FLYWCH1: variants seen among roughly 807,000 people sequenced by gnomAD.
FLYWCH1 encodes FLYWCH-type zinc finger-containing protein 1.
In FLYWCH1, 75 loss-of-function variants were observed where a neutral mutation model predicts 66.4. That is an observed-to-expected ratio of 1.13 (90% confidence interval 0.94 to 1.37). The LOEUF (loss-of-function observed/expected upper bound fraction) is 1.37. Among genes scored for constraint, FLYWCH1 ranks in the 40% most tolerant of loss-of-function variants. The pLI, the probability that FLYWCH1 is intolerant of heterozygous loss-of-function variation, is 0.00. For missense variants in FLYWCH1, 1,334 were observed against 1,001.8 expected (o/e 1.33, Z -4.48); for synonymous variants, 595 against 429.9 (o/e 1.38, Z -4.75).
At chr16:2,939,767 T>G (rs1240220840) in intron 8 of FLYWCH1, 8 of 390,624 alleles carry the variant, frequency 2.0e-5, no homozygotes, top group Non-Finnish European at 2.8e-5. Context: ...GAGAAAGTTG[T>G]GCTGGAGGCC....
intron 1 of FLYWCH1, among the ~76,000 whole-genome samples, chr16:2,913,591 C>A (rs905603616): frequency 2.6e-5 from 4 of 152,140 alleles, no homozygotes; most frequent in Admixed American, 1.3e-4. Context: ...GAACACCCCA[C>A]GCTGAACAGG....
Position 2,948,726 on chromosome 16 carries a change from G to A in FLYWCH1, c.2150G>A (p.Ter717=). ...KDVRLDGESQ[*] Reference sequence around the variant, plus strand: ...GTCAGACTGGATGGCGAGTCCCAGTGAGGCGATGTGGGCAGAGGAGCTCCG... The same window carrying A: ...GTCAGACTGGATGGCGAGTCCCAGTAAGGCGATGTGGGCAGAGGAGCTCCG... Residue 717 remains the stop codon, a stop_retained_variant, in exon 10 of 10, where the codon TGA becomes TAA. Transcript: ENST00000253928. 1 of 1,613,904 alleles carries A rather than the reference G, an allele frequency of 6.2e-7. No individual in the cohort carries two copies. Among genetic ancestry groups the A allele is most frequent in the Middle Eastern group, 1.7e-4 (1 of 6,058 alleles).
rs1281064873 is a variant in FLYWCH1 at position 2,951,107 on chromosome 16, A to G, written c.*2380A>G. 2 of 152,300 alleles carry G rather than the reference A, an allele frequency of 1.3e-5. No individual in the cohort carries two copies. Among genetic ancestry groups the G allele is most frequent in the Non-Finnish European group, 2.9e-5 (2 of 68,062 alleles). The allele number at this position is 152,300 out of a possible 1,614,324, so 9.4% of individuals were successfully genotyped here. On this transcript the variant is annotated 3_prime_UTR_variant, in exon 10 of 10. Coordinates refer to ENST00000253928, the MANE Select transcript of FLYWCH1 (RefSeq NM_001308068.2). ...GTGCTTCGCCCACAAACCCTGCTGT[A>G]TGACATTTGCACCACATGGTGTGTG... is the stretch of plus-strand genomic sequence containing the variant.
At position 2,937,042 on chromosome 16, in the gene FLYWCH1, G is replaced by A. The variant is rs568752825; in HGVS notation, c.1514-79G>A. The A allele has an allele frequency of 3.3e-6, 4 of 1,229,074 alleles. No homozygotes were observed. The African/African-American group carries it at 7.0e-5, about 22-fold the overall frequency. The allele number at this position is 1,229,074 out of a possible 1,614,324, so 76.1% of individuals were successfully genotyped here. A position where few individuals can be genotyped will look rare whatever the true frequency, so the allele number is the denominator to read the frequency against. On this transcript the variant is annotated intron_variant, in intron 6 of 9. Transcript: ENST00000253928. ...TGAGGAGGAGGTGTGGGCGTTGTGG[G>A]AGGTCTCATCTCGGGGCCATGCTGA...
rs372022354 is a variant in FLYWCH1, at chr16:2,933,241, C to G, written c.908C>G (p.Thr303Ser). 13 of 1,613,432 alleles carry G rather than the reference C, an allele frequency of 8.1e-6. No individual in the cohort carries two copies. In the African/African-American group the frequency reaches 1.7e-4, roughly 22 times the overall value. Residue 303 changes from threonine (T) to serine (S), a missense_variant, in exon 5 of 10, where the codon ACC becomes AGC. Physicochemically the swap from Thr to Ser is moderately conservative, Grantham distance 58. Coordinates refer to ENST00000253928, the MANE Select transcript of FLYWCH1 (RefSeq NM_001308068.2). The stretch of plus-strand genomic sequence containing the variant: ...GCTGTCGGGGACAAGGTGTATTGGA[C>G]CTGCCGGGACCACGCGCTGCACGGC... ...EKAVGDKVYW[T>S]CRDHALHGCR...
chr16:2,936,598 A>G, intron 6 of FLYWCH1: 1 of 457,062 alleles, frequency 2.2e-6, no homozygotes, highest in Non-Finnish European at 4.4e-6. Context: ...CCTCTGGGCA[A>G]GGCACAGCCA....
Position 2,933,927 on chromosome 16 carries a change from G to T in FLYWCH1, c.1461G>T (p.Glu487Asp). Residue 487 changes from glutamate (E) to aspartate (D), a missense_variant, in exon 6 of 10, where the codon GAG (glutamate) becomes GAT (aspartate). By Grantham distance (45) the Glu-to-Asp change is conservative. Transcript: ENST00000253928. Reference protein sequence around the residue: ...HCHPPDLGGLEALRQREKRPN... With the variant: ...HCHPPDLGGLDALRQREKRPN... ...ACCCGCCCGACCTGGGAGGCCTGGA[G>T]GCCCTGAGGCAGCGGGAGAAACGCC... 1 of 1,569,332 alleles carries T rather than the reference G, an allele frequency of 6.4e-7. No homozygotes were observed.
Position 2,919,799 on chromosome 16 carries a change from G to T in FLYWCH1, c.-74+5510G>T, listed in dbSNP as rs143890275. Among the ~76,000 whole-genome samples, 95 of 152,282 alleles carry T rather than the reference G, an allele frequency of 6.2e-4. 1 individual carries two copies. The highest frequency in any genetic ancestry group is 1.2e-3 in the Non-Finnish European group (80 of 68,020). On this transcript the variant is annotated intron_variant, in intron 2 of 9. Coordinates refer to ENST00000253928, the MANE Select transcript of FLYWCH1 (RefSeq NM_001308068.2). ...CTTGTTTGAAAACATTGCCACCCGT[G>T]TAATTTTACCAAGGCAATAGGAACA...
chr16:2,945,335 A>T (rs1312753790), intron 9 of FLYWCH1, among the ~76,000 whole-genome samples: 1 of 151,584 alleles, frequency 6.6e-6, no homozygotes, highest in African/African-American at 2.4e-5. Context: ...AAAATACAAA[A>T]ATCAGCTGGG....
chr16:2,938,568 A>C, intron 8 of FLYWCH1, 112 bp downstream of exon 8: 1 of 976,042 alleles, frequency 1.0e-6, no homozygotes, highest in South Asian at 2.5e-5. Flanking sequence ...TTGTGCACAC[A>C]CAAATTATTC....
intron 9 of FLYWCH1, among the ~76,000 whole-genome samples, chr16:2,941,276 G>C (rs1371201824): frequency 6.6e-6 from 1 of 150,544 alleles, no homozygotes; most frequent in Non-Finnish European, 1.5e-5. Flanking sequence ...AACAGAGCAT[G>C]ACCCTGTGTG....
chr16:2,930,918 G>C, intron 4 of FLYWCH1, 38 bp downstream of exon 4: 1 of 1,491,772 alleles, frequency 6.7e-7, no homozygotes, highest in Non-Finnish European at 9.0e-7. Flanking sequence ...TCCACTCGGG[G>C]CAGGGGACCC....
intron 2 of FLYWCH1, among the ~76,000 whole-genome samples, chr16:2,919,011 GA>G (rs1172369510): frequency 1.3e-5 from 2 of 151,926 alleles, no homozygotes; most frequent in Non-Finnish European, 2.9e-5. Context: ...GCAGTGGCAT[GA>G]TCTCGGCTCA....
At chr16:2,936,845 C>G in intron 6 of FLYWCH1, 1 of 625,912 alleles carries the variant, frequency 1.6e-6, no homozygotes, top group Non-Finnish European at 3.0e-6. Context: ...ACGAGTGACG[C>G]AGCAGACACT....
intron 9 of FLYWCH1, among the ~76,000 whole-genome samples, chr16:2,942,459 T>C (rs1465491463): frequency 6.6e-6 from 1 of 152,060 alleles, no homozygotes; most frequent in Non-Finnish European, 1.5e-5. Context: ...CAGCTCATTC[T>C]CTAAGACCAG....
chr16:2,921,879 T>C (rs536935995), intron 2 of FLYWCH1, among the ~76,000 whole-genome samples: 10 of 151,636 alleles, frequency 6.6e-5, no homozygotes, highest in Non-Finnish European at 1.5e-4. Flanking sequence ...CTGGCCAATA[T>C]GGTGAAACCC....
At chr16:2,948,583 G>A in intron 9 of FLYWCH1, 105 bp from the exon 10 acceptor site, 1 of 1,180,020 alleles carries the variant, frequency 8.5e-7, no homozygotes. Context: ...GTTCTAGACT[G>A]TGGCATCCCC....
chr16:2,924,658 C>T (rs1428627052), intron 2 of FLYWCH1, among the ~76,000 whole-genome samples: 1 of 152,182 alleles, frequency 6.6e-6, no homozygotes, highest in East Asian at 1.9e-4. Flanking sequence ...CTGTGGGTCA[C>T]GCAACCCCCC....
intron 6 of FLYWCH1, chr16:2,936,216 C>G (rs977997875): frequency 2.8e-6 from 1 of 352,224 alleles, no homozygotes; most frequent in African/African-American, 2.1e-5. Context: ...CAGCCCCTTG[C>G]TGGATATTTT....
Sources: allele counts gnomAD v4.1 joint callset (sites outside exome capture counted in the v4.1 genomes callset), GRCh38; gene constraint gnomAD v4.1.1; transcripts MANE v1.5; gene names NCBI Gene and HGNC (gene_info 2026-07-23, HGNC 2026-07-21).